Variants in CFAP47 observed in about 807,000 individuals in gnomAD.
CFAP47 encodes cilia- and flagella-associated protein 47.
CFAP47 carries 29 observed loss-of-function variants against 148.1 expected under a neutral mutation model. The observed-to-expected ratio is 0.20, with a 90% CI of 0.15 to 0.27. CFAP47 has a LOEUF of 0.27. Among genes scored for constraint, CFAP47 ranks in the 10% least tolerant of loss-of-function variants. The pLI is 1.00. For synonymous variants in CFAP47, 664 were observed against 577.3 expected (o/e 1.15, Z -2.15); for missense variants, 1,872 against 1,697.5 (o/e 1.10, Z -1.81).
intron 45 of CFAP47, among the ~76,000 whole-genome samples, chrX:36,210,203 A>G (rs1555989304): frequency 8.9e-6 from 1 of 112,221 alleles, no homozygotes; most frequent in East Asian, 2.8e-4. Flanking sequence ...GTTTCTATTT[A>G]TCTTGGGTAT....
intron 28 of CFAP47, among the ~76,000 whole-genome samples, chrX:36,072,343 T>C (rs2146761594): frequency 8.9e-6 from 1 of 112,240 alleles, no homozygotes; most frequent in South Asian, 3.7e-4. Flanking sequence ...GGAGCCTCTG[T>C]AAATTTACTG....
chrX:36,242,245 T>C (rs1182944322), intron 48 of CFAP47, among the ~76,000 whole-genome samples: 1 of 112,105 alleles, frequency 8.9e-6, no homozygotes, highest in East Asian at 2.8e-4. Flanking sequence ...GCAAGAACTT[T>C]GGCAATTCGA....
At chrX:36,042,346 A>G (rs981507432) in intron 25 of CFAP47, among the ~76,000 whole-genome samples, 21 of 111,557 alleles carry the variant, frequency 1.9e-4, no homozygotes, top group Admixed American at 4.8e-4. Flanking sequence ...AGGAAATAAA[A>G]CTCAAAACTG....
Position 36,310,955 on chromosome X carries a change from A to T in CFAP47, c.8310A>T (p.Thr2770=). ...STIVIPFKNP[T]MEDVLIDIIL... is the part of the protein sequence containing the mutation. ...TTGTTATACCTTTCAAAAATCCCAC[A>T]ATGGAAGATGTCCTCATTGATATAA... The change falls in exon 56 of 64, where the codon ACA becomes ACT. Residue 2770 remains threonine (T), a synonymous_variant. Coordinates refer to ENST00000378653, the MANE Select transcript of CFAP47 (RefSeq NM_001304548.2). 8.8e-7 allele frequency: 1 copy of T among 1,137,642 alleles called. No individual in the cohort carries two copies. The highest frequency in any genetic ancestry group is 1.2e-6 in the Non-Finnish European group (1 of 852,769). The allele number at this position is 1,137,642 out of a possible 1,213,427, so 93.8% of individuals were successfully genotyped here. A position where few individuals can be genotyped will look rare whatever the true frequency, so the allele number is the denominator to read the frequency against.
chrX:36,360,415 A>T (rs1602125786), intron 60 of CFAP47, among the ~76,000 whole-genome samples: 2 of 111,740 alleles, frequency 1.8e-5, no homozygotes, highest in East Asian at 5.7e-4. Context: ...ACAGGCCTGG[A>T]ACCAGGGTCC....
chrX:35,990,851 T>C, intron 16 of CFAP47, among the ~76,000 whole-genome samples: 1 of 111,608 alleles, frequency 9.0e-6, no homozygotes. Flanking sequence ...CTGGTAACAC[T>C]TTTTATTTTA....
At chrX:36,106,889 A>G (rs935119414) in intron 33 of CFAP47, among the ~76,000 whole-genome samples, 2 of 111,755 alleles carry the variant, frequency 1.8e-5, no homozygotes, top group African/African-American at 6.5e-5. Context: ...GTTTGATACT[A>G]TAATTATGAA....
chrX:35,941,019 A>G (rs188057888), intron 2 of CFAP47, among the ~76,000 whole-genome samples: 134 of 111,947 alleles, frequency 1.2e-3, no homozygotes, highest in African/African-American at 4.1e-3. Flanking sequence ...ATTTGGAGAC[A>G]TTCAAACTAT....
chrX:36,078,369 C>T (rs113450229), intron 29 of CFAP47, among the ~76,000 whole-genome samples: 2,717 of 110,359 alleles, frequency 0.025, 92 homozygotes, highest in African/African-American at 0.085. Context: ...AGGACTTGCT[C>T]TATGAATCTG....
intron 8 of CFAP47, 78 bp from the exon 9 acceptor site, chrX:35,966,487 C>T: frequency 1.5e-6 from 1 of 662,232 alleles, no homozygotes. Flanking sequence ...ATTTTATTAA[C>T]TGGTTTTTTT....
chrX:36,046,386 A>G (rs1221460342), intron 25 of CFAP47, among the ~76,000 whole-genome samples: 1 of 110,905 alleles, frequency 9.0e-6, no homozygotes, highest in East Asian at 2.9e-4. Flanking sequence ...TAATGATTGA[A>G]AAACATTCAT....
At chrX:36,107,261 C>T (rs1165188796) in intron 33 of CFAP47, among the ~76,000 whole-genome samples, 1 of 111,908 alleles carries the variant, frequency 8.9e-6, no homozygotes, top group African/African-American at 3.2e-5. Context: ...GTAAAAAAGT[C>T]CTTCAGAAAA....
chrX:35,958,849 G>T (rs779219918), intron 8 of CFAP47, among the ~76,000 whole-genome samples: 1 of 111,957 alleles, frequency 8.9e-6, no homozygotes, highest in Non-Finnish European at 1.9e-5. Flanking sequence ...AGGAAAATTA[G>T]CCTGGATTTT....
intron 15 of CFAP47, chrX:35,985,832 A>C (rs750705134): frequency 2.4e-4 from 57 of 233,887 alleles, no homozygotes; most frequent in South Asian, 2.3e-3. Context: ...CAACTGTGGC[A>C]GTCCCCATGC....
chrX:36,301,124 A>G lies in CFAP47; in HGVS notation c.7915A>G (p.Thr2639Ala), dbSNP rs782060152. The G allele has an allele frequency of 5.2e-6, 6 of 1,161,678 alleles. No individual in the cohort carries two copies. The South Asian group carries it at 1.1e-4, about 22-fold the overall frequency. Residue 2639 changes from threonine to alanine, a missense_variant, in exon 53 of 64, where the codon ACT (threonine) becomes GCT (alanine). Thr to Ala is a moderately conservative substitution (Grantham distance 58). Transcript: ENST00000378653. ...AEEFWYLLKL[T>A]IELPKPTTMP... is the part of the protein sequence containing the mutation. ...AGAGTTCTGGTATTTACTGAAGTTA[A>G]CTATTGAATTACCAAAACCAACCAC...
intron 29 of CFAP47, among the ~76,000 whole-genome samples, chrX:36,084,679 C>G (rs1375426767): frequency 3.6e-5 from 4 of 111,536 alleles, no homozygotes; most frequent in Non-Finnish European, 7.5e-5. Context: ...CATTTAAAGT[C>G]AGTATGCATC....
rs73470955 is a variant in CFAP47, at chrX:36,092,660, A to G, written c.4917-6133A>G. Among the ~76,000 whole-genome samples, 1,052 of 109,085 alleles carry G rather than the reference A, an allele frequency of 9.6e-3. 8 individuals are homozygous for G. Among genetic ancestry groups the G allele is most frequent in the African/African-American group, 0.033 (996 of 30,150 alleles). 94.7% of individuals were successfully genotyped at this position (109,085 alleles called of 115,157 possible). ...TTTATTTTAAATTTTGGGGGTACATAGTATGTGCATGAGATATTTTGATAC... is the reference window on the plus strand; with the variant it reads ...TTTATTTTAAATTTTGGGGGTACATGGTATGTGCATGAGATATTTTGATAC... On this transcript the variant is annotated intron_variant, in intron 30 of 63. Coordinates refer to ENST00000378653, the MANE Select transcript of CFAP47 (RefSeq NM_001304548.2).
intron 49 of CFAP47, among the ~76,000 whole-genome samples, chrX:36,274,089 T>G (rs2146939614): frequency 8.9e-6 from 1 of 112,044 alleles, no homozygotes; most frequent in African/African-American, 3.2e-5. Flanking sequence ...CTCATTCTGT[T>G]CTATAATATA....
At chrX:35,926,990 CA>C (rs1037892463) in intron 2 of CFAP47, among the ~76,000 whole-genome samples, 1 of 106,101 alleles carries the variant, frequency 9.4e-6, no homozygotes. Flanking sequence ...ACAAAAAATA[CA>C]AAAAAAAGAA....
Sources: gnomAD v4.1 joint callset for allele counts (sites outside exome capture counted in the v4.1 genomes callset) on GRCh38, gnomAD v4.1.1 for gene constraint, MANE v1.5 for transcripts, NCBI Gene and HGNC (gene_info 2026-07-23, HGNC 2026-07-21) for gene names.